SCD5: variants seen among roughly 807,000 people sequenced by gnomAD.
The protein encoded by SCD5 is stearoyl-CoA desaturase 5.
In SCD5, 20 loss-of-function variants were observed where a neutral mutation model predicts 30.4. The ratio of observed to expected loss-of-function variants is 0.66; its 90% CI spans 0.46 to 0.96. SCD5 has a LOEUF of 0.96. Among genes scored for constraint, SCD5 ranks in the 40% least tolerant of loss-of-function variants. The pLI, the probability that SCD5 is intolerant of heterozygous loss-of-function variation, is 0.00. For synonymous variants in SCD5, 173 were observed against 176.4 expected, an observed-to-expected ratio of 0.98 and a Z score of 0.16; for missense variants, 381 against 443.3, an observed-to-expected ratio of 0.86 and a Z score of 1.26.
At chr4:82,652,181 G>A (rs1727772068) in intron 3 of SCD5, among the ~76,000 whole-genome samples, 1 of 152,204 alleles carries the variant, frequency 6.6e-6, no homozygotes, top group African/African-American at 2.4e-5. Context: ...AATGGCATTA[G>A]TAGGAAGCGA....
Position 82,631,144 on chromosome 4 carries a change from T to A in SCD5, c.*183A>T. The A allele has an allele frequency of 2.0e-6, 1 of 512,716 alleles. No homozygotes were observed. The highest frequency in any genetic ancestry group is 3.3e-6 in the Non-Finnish European group (1 of 306,004). The allele number at this position is 512,716 out of a possible 1,614,324, so 31.8% of individuals were successfully genotyped here. ...AACAAACAAAAAAAAAAACGAAAGTTTTTTCATTGATAATTGTATTTCAAC... is the reference window on the plus strand; with the variant it reads ...AACAAACAAAAAAAAAAACGAAAGTATTTTCATTGATAATTGTATTTCAAC... On this transcript the variant is annotated 3_prime_UTR_variant, in exon 5 of 5. Coordinates refer to ENST00000319540, the MANE Select transcript of SCD5 (RefSeq NM_001037582.3).
intron 3 of SCD5, among the ~76,000 whole-genome samples, chr4:82,665,359 C>G (rs994765392): frequency 2.0e-5 from 3 of 150,640 alleles, no homozygotes; most frequent in Admixed American, 2.0e-4. Flanking sequence ...GCCCAGAGTC[C>G]CAAGAATACC....
intron 1 of SCD5, among the ~76,000 whole-genome samples, chr4:82,741,127 CAG>C (rs1720863878): frequency 6.9e-6 from 1 of 145,518 alleles, no homozygotes; most frequent in Non-Finnish European, 1.5e-5. Flanking sequence ...TTCGTAGAGA[CAG>C]AGTTTTGCCA....
rs563804514 is a variant in SCD5, at chr4:82,798,404, A to G, written c.134T>C (p.Ile45Thr). 5 of 1,613,082 alleles carry G rather than the reference A, an allele frequency of 3.1e-6. No homozygotes were observed. The East Asian group carries it at 8.9e-5, about 29-fold the overall frequency. Residue 45 changes from isoleucine (I) to threonine (T), a missense_variant, in exon 1 of 5, where the codon ATC (isoleucine) becomes ACC (threonine). By Grantham distance (89) the Ile-to-Thr change is moderately conservative (BLOSUM62 -1). Coordinates refer to ENST00000319540, the MANE Select transcript of SCD5 (RefSeq NM_001037582.3). Reference protein sequence around the residue: ...RPGARGQRQNIVWRNVVLMSL... With the variant: ...RPGARGQRQNTVWRNVVLMSL... ...CATCAGGACGACATTCCTCCAGACG[A>G]TGTTCTGCCGCTGCCCGCGCGCGCC... is the stretch of plus-strand genomic sequence containing the variant.
intron 1 of SCD5, among the ~76,000 whole-genome samples, chr4:82,747,977 C>G (rs1721029029): frequency 6.6e-6 from 1 of 152,090 alleles, no homozygotes; most frequent in South Asian, 2.1e-4. Context: ...AGGACAAATT[C>G]AATCAATTGT....
chr4:82,779,117 G>C (rs556094048), intron 1 of SCD5, among the ~76,000 whole-genome samples: 4 of 151,606 alleles, frequency 2.6e-5, no homozygotes, highest in South Asian at 4.2e-4. Context: ...CACCCGCCTC[G>C]GCCTCCCAAA....
At chr4:82,738,744 A>G (rs1443246650) in intron 1 of SCD5, among the ~76,000 whole-genome samples, 1 of 152,256 alleles carries the variant, frequency 6.6e-6, no homozygotes, top group East Asian at 1.9e-4. Context: ...AGATACAACT[A>G]CATAGCAGTT....
At chr4:82,694,178 T>A (rs930221943) in intron 2 of SCD5, among the ~76,000 whole-genome samples, 5 of 152,156 alleles carry the variant, frequency 3.3e-5, no homozygotes, top group African/African-American at 7.2e-5. Flanking sequence ...CTCTGACTGG[T>A]GGGAACCACT....
At chr4:82,767,895 T>C (rs1721527473) in intron 1 of SCD5, among the ~76,000 whole-genome samples, 1 of 152,200 alleles carries the variant, frequency 6.6e-6, no homozygotes. Flanking sequence ...CTGGTTCTAC[T>C]GGGCTACCCA....
At chr4:82,705,038 T>C (rs1485192057) in intron 2 of SCD5, among the ~76,000 whole-genome samples, 1 of 152,256 alleles carries the variant, frequency 6.6e-6, no homozygotes, top group Non-Finnish European at 1.5e-5. Context: ...GCATGGGCTC[T>C]GGATAGAGGA....
At chr4:82,743,087 G>A (rs746224886) in intron 1 of SCD5, among the ~76,000 whole-genome samples, 31 of 152,196 alleles carry the variant, frequency 2.0e-4, no homozygotes, top group Non-Finnish European at 3.4e-4. Flanking sequence ...CCAGGCCTGA[G>A]ATGAGAAAGG....
At chr4:82,720,651 C>G (rs1404858639) in intron 1 of SCD5, among the ~76,000 whole-genome samples, 17 of 152,176 alleles carry the variant, frequency 1.1e-4, no homozygotes, top group African/African-American at 3.6e-4. Context: ...ACTGCCCCAA[C>G]CCTCTGTAGG....
In SCD5 at chr4:82,641,355, T is replaced by C. The variant is rs563885357; in HGVS notation, c.570-4532A>G. Among the ~76,000 whole-genome samples, 60 of 151,122 alleles carry C rather than the reference T, an allele frequency of 4.0e-4. 3 individuals are homozygous for C. In the South Asian group the frequency reaches 0.012, roughly 31 times the overall value. On this transcript the variant is annotated intron_variant, in intron 3 of 4. Coordinates refer to ENST00000319540, the MANE Select transcript of SCD5 (RefSeq NM_001037582.3). ...CTGGCAGAGATCTATATATCTGGTA[T>C]ATTCTGGCAGGGAAGACAATGAACA... is the stretch of plus-strand genomic sequence containing the variant.
chr4:82,776,380 T>C (rs994826387), intron 1 of SCD5, among the ~76,000 whole-genome samples: 1 of 152,238 alleles, frequency 6.6e-6, no homozygotes, highest in African/African-American at 2.4e-5. Context: ...GTGAATGTTG[T>C]GTCAATTTGA....
At chr4:82,727,650 T>C (rs1720535259) in intron 1 of SCD5, among the ~76,000 whole-genome samples, 2 of 152,186 alleles carry the variant, frequency 1.3e-5, no homozygotes, top group African/African-American at 4.8e-5. Flanking sequence ...CTGGTTTCCT[T>C]GACTCTAGGA....
chr4:82,631,268 G>T lies in SCD5; in HGVS notation c.*59C>A. 8 of 1,486,264 alleles carry T rather than the reference G, an allele frequency of 5.4e-6. No individual in the cohort carries two copies. Among genetic ancestry groups the T allele is most frequent in the South Asian group, 1.2e-5 (1 of 81,008 alleles). The allele number at this position is 1,486,264 out of a possible 1,614,324, so 92.1% of individuals were successfully genotyped here. A position where few individuals can be genotyped will look rare whatever the true frequency, so the allele number is the denominator to read the frequency against. On this transcript the variant is annotated 3_prime_UTR_variant, in exon 5 of 5. Coordinates refer to ENST00000319540, the MANE Select transcript of SCD5 (RefSeq NM_001037582.3). Reference sequence around the variant, plus strand: ...CGATCCAATGTACAAGAGAGCTATTGTAACCAAAGCCATGAACCGAGGTTG... The same window carrying T: ...CGATCCAATGTACAAGAGAGCTATTTTAACCAAAGCCATGAACCGAGGTTG...
At chr4:82,655,727 A>G (rs1727855500) in intron 3 of SCD5, among the ~76,000 whole-genome samples, 1 of 152,220 alleles carries the variant, frequency 6.6e-6, no homozygotes, top group South Asian at 2.1e-4. Context: ...AAATGTTAGC[A>G]ACAATTAACT....
chr4:82,723,065 G>A (rs1720403114), intron 1 of SCD5, among the ~76,000 whole-genome samples: 4 of 111,788 alleles, frequency 3.6e-5, no homozygotes, highest in Admixed American at 3.5e-4. Context: ...TGACAAGAGC[G>A]AAACTCTGTC....
chr4:82,717,653 C>T (rs1578035632), intron 1 of SCD5, among the ~76,000 whole-genome samples: 1 of 151,624 alleles, frequency 6.6e-6, no homozygotes, highest in Admixed American at 6.6e-5. Context: ...CAGTGGCTCA[C>T]GCCTGTAATC....
Sources: gnomAD v4.1 joint callset for allele counts (sites outside exome capture counted in the v4.1 genomes callset) on GRCh38, gnomAD v4.1.1 for gene constraint, MANE v1.5 for transcripts, NCBI Gene and HGNC (gene_info 2026-07-23, HGNC 2026-07-21) for gene names.